PHF24: variants seen among roughly 807,000 people sequenced by gnomAD.
The protein encoded by PHF24 is PHD finger protein 24.
Under a neutral mutation model 42.6 loss-of-function variants are expected in PHF24, and 25 were observed. The ratio of observed to expected loss-of-function variants is 0.59; its 90% confidence interval spans 0.43 to 0.82. PHF24 has a LOEUF of 0.82. Ranked by LOEUF, PHF24 falls within the 40% of genes least tolerant of loss-of-function variation. The pLI, the probability that PHF24 is intolerant of heterozygous loss-of-function variation, is 0.00. For synonymous variants in PHF24, 185 were observed against 204.8 expected, an observed-to-expected ratio of 0.90 and a Z score of 0.83; for missense variants, 470 against 538.1, an observed-to-expected ratio of 0.87 and a Z score of 1.25.
At chr9:34,978,434 G>A (rs3739873) in exon 8 of PHF24, 69,391 of 287,594 alleles carry the variant, frequency 0.24, 9,762 homozygotes, top group East Asian at 0.62. Flanking sequence ...CAGAAGCCTG[G>A]TTCTTTTTGG....
the PHF24 span, among the ~76,000 whole-genome samples, chr9:34,868,348 C>T: frequency 6.6e-6 from 1 of 152,204 alleles, no homozygotes; most frequent in Non-Finnish European, 1.5e-5. Flanking sequence ...AGAACACATG[C>T]TCTGTGGAAG....
At chr9:34,846,689 A>C in the PHF24 span, among the ~76,000 whole-genome samples, 17 of 152,334 alleles carry the variant, frequency 1.1e-4, no homozygotes, top group African/African-American at 3.4e-4. Flanking sequence ...CTATGTCCTG[A>C]ATGGTAATGC....
At chr9:34,814,303 A>G in the PHF24 span, among the ~76,000 whole-genome samples, 3 of 152,048 alleles carry the variant, frequency 2.0e-5, no homozygotes, top group African/African-American at 7.2e-5. Flanking sequence ...ATCACTAATC[A>G]CCGTTGAGAG....
At chr9:34,805,918 G>T in the PHF24 span, among the ~76,000 whole-genome samples, 4 of 152,206 alleles carry the variant, frequency 2.6e-5, no homozygotes, top group Non-Finnish European at 5.9e-5. Flanking sequence ...TTTGTATGTG[G>T]ATACAAAAGA....
At chr9:34,922,571 G>A in the PHF24 span, 1 of 968,512 alleles carries the variant, frequency 1.0e-6, no homozygotes, top group Admixed American at 1.7e-5. Context: ...TTTTCAAATA[G>A]AAGAATTTGC....
At chr9:34,672,158 T>C in the PHF24 span, among the ~76,000 whole-genome samples, 22 of 152,318 alleles carry the variant, frequency 1.4e-4, no homozygotes, top group Non-Finnish European at 3.1e-4. Flanking sequence ...ATACCCCTTT[T>C]TGTGGTTCCT....
chr9:34,689,714 A>T, the PHF24 span: 1 of 1,350,896 alleles, frequency 7.4e-7, no homozygotes, highest in South Asian at 1.3e-5. This position sits in a 1 kb window ranked among gnomAD's most constrained non-coding sequence, Gnocchi z 4.1. Flanking sequence ...TCTGGTGCAG[A>T]GGAGCTGGAA....
the PHF24 span, among the ~76,000 whole-genome samples, chr9:34,823,747 C>T: frequency 1.3e-5 from 2 of 152,130 alleles, no homozygotes; most frequent in Admixed American, 1.3e-4. Flanking sequence ...AGTCTCTGCC[C>T]ACACTCTGGT....
At chr9:34,759,788 A>G in the PHF24 span, among the ~76,000 whole-genome samples, 8 of 151,982 alleles carry the variant, frequency 5.3e-5, no homozygotes, top group African/African-American at 1.9e-4. Context: ...AAATCATTAA[A>G]ACCATCTGCT....
At chr9:34,866,719 AG>A in the PHF24 span, among the ~76,000 whole-genome samples, 6 of 152,170 alleles carry the variant, frequency 3.9e-5, no homozygotes, top group Non-Finnish European at 2.9e-5. Flanking sequence ...CCTATTTTCC[AG>A]GGACTTGCTA....
chr9:34,724,966 G>A, the PHF24 span: 1 of 1,551,810 alleles, frequency 6.4e-7, no homozygotes, highest in Non-Finnish European at 8.7e-7. Flanking sequence ...GCAGCTTAGG[G>A]TGTTCAGTGA....
chr9:34,708,588 C>T, the PHF24 span, among the ~76,000 whole-genome samples: 1 of 152,186 alleles, frequency 6.6e-6, no homozygotes, highest in Non-Finnish European at 1.5e-5. Context: ...AGCTTCCCTC[C>T]TAGGGACCCT....
the PHF24 span, among the ~76,000 whole-genome samples, chr9:34,814,431 A>G: frequency 6.6e-6 from 1 of 152,152 alleles, no homozygotes; most frequent in Admixed American, 6.5e-5. Flanking sequence ...GGTAATGTCT[A>G]CTCATGAACA....
the PHF24 span, chr9:34,837,615 C>A: frequency 6.9e-7 from 1 of 1,445,802 alleles, no homozygotes; most frequent in South Asian, 1.2e-5. Flanking sequence ...AGGAAACACC[C>A]ACAGTGGAAG....
chr9:34,728,314 C>T, the PHF24 span, among the ~76,000 whole-genome samples: 1 of 152,178 alleles, frequency 6.6e-6, no homozygotes, highest in Non-Finnish European at 1.5e-5. Flanking sequence ...GTGTTTTGCT[C>T]ATTTTGTGGA....
chr9:34,902,741 A>G, the PHF24 span, among the ~76,000 whole-genome samples: 1 of 152,224 alleles, frequency 6.6e-6, no homozygotes, highest in Non-Finnish European at 1.5e-5. Context: ...ACCATTTAAA[A>G]TGTTTCTAAA....
chr9:34,708,396 A>G, the PHF24 span, among the ~76,000 whole-genome samples: 79 of 152,290 alleles, frequency 5.2e-4, no homozygotes, highest in Middle Eastern at 0.014. Context: ...TAGGAATAGA[A>G]GGAGAGCACA....
At chr9:34,712,326 A>G in the PHF24 span, among the ~76,000 whole-genome samples, 2 of 151,908 alleles carry the variant, frequency 1.3e-5, no homozygotes, top group African/African-American at 4.8e-5. Context: ...TTGGGTATGT[A>G]TATTCATGCT....
chr9:34,945,994 T>C, the PHF24 span, among the ~76,000 whole-genome samples: 106 of 152,324 alleles, frequency 7.0e-4, no homozygotes, highest in South Asian at 0.017. Context: ...CAATCACTTG[T>C]TGGCTGAGAA....
Sources: allele counts gnomAD v4.1 joint callset (sites outside exome capture counted in the v4.1 genomes callset), GRCh38; gene constraint gnomAD v4.1.1; non-coding constraint Gnocchi (gnomAD v3.1); transcripts MANE v1.5; gene names NCBI Gene and HGNC (gene_info 2026-07-23, HGNC 2026-07-21).